Variants in MMP24 observed in about 807,000 individuals in gnomAD.
MMP24 encodes the protein matrix metallopeptidase 24.
In MMP24, 25 loss-of-function variants were observed where a neutral mutation model predicts 62.8. The observed-to-expected ratio is 0.40, with a 90% CI of 0.29 to 0.56. The LOEUF is 0.56. Among genes scored for constraint, MMP24 ranks in the 20% least tolerant of loss-of-function variants. MMP24 has a pLI of 0.50. For synonymous variants in MMP24, 319 were observed against 350.5 expected (o/e 0.91, Z 1.00); for missense variants, 634 against 853.6 (o/e 0.74, Z 3.21).
At chr20:35,227,056 G>A (rs1428863779) in intron 1 of MMP24, 72 bp downstream of exon 1, 2 of 968,858 alleles carry the variant, frequency 2.1e-6, no homozygotes, top group Non-Finnish European at 2.4e-6. Flanking sequence ...CACCGGGGAC[G>A]GGCCTGGGCC....
intron 1 of MMP24, among the ~76,000 whole-genome samples, chr20:35,241,412 T>C (rs2060487848): frequency 6.6e-6 from 1 of 152,154 alleles, no homozygotes; most frequent in African/African-American, 2.4e-5. Flanking sequence ...TTTGCCCTTC[T>C]AGGAGTGTGC....
intron 4 of MMP24, among the ~76,000 whole-genome samples, chr20:35,255,150 G>A (rs970912341): frequency 6.6e-6 from 1 of 152,152 alleles, no homozygotes; most frequent in Admixed American, 6.5e-5. Flanking sequence ...GGCCAACATG[G>A]TGAAACCCTG....
chr20:35,271,441 G>C lies in MMP24; in HGVS notation c.1334-128G>C, dbSNP rs6058219. Reference sequence around the variant, plus strand: ...GGATCTGTGACTGGCCTCAGGCTTCGTGCCCTTCCCAACTCTAACTGGGCC... The same window carrying C: ...GGATCTGTGACTGGCCTCAGGCTTCCTGCCCTTCCCAACTCTAACTGGGCC... On this transcript the variant is annotated intron_variant, in intron 7 of 8. Coordinates refer to ENST00000246186, the MANE Select transcript of MMP24 (RefSeq NM_006690.4). The surrounding 1 kb of genome is among the most constrained non-coding windows in gnomAD (Gnocchi z 4.0). 0.14 allele frequency: 173,628 copies of C among 1,227,396 alleles called. 13,428 individuals are homozygous for C. Among genetic ancestry groups the C allele is most frequent in the African/African-American group, 0.28 (18,207 of 65,378 alleles). The allele number at this position is 1,227,396 out of a possible 1,614,324, so 76.0% of individuals were successfully genotyped here. A position where few individuals can be genotyped will look rare whatever the true frequency, so the allele number is the denominator to read the frequency against.
Position 35,271,890 on chromosome 20 carries a change from A to C in MMP24, c.1600+55A>C. 1.9e-6 allele frequency: 3 copies of C among 1,542,218 alleles called. No individual in the cohort carries two copies. Among genetic ancestry groups the C allele is most frequent in the Non-Finnish European group, 2.6e-6 (3 of 1,147,882 alleles). ...GGGGAGCCGGTTTTATGTGGTCCTCACCAGTGCCCACGGGCATACTCAGTG... is the reference window on the plus strand; with the variant it reads ...GGGGAGCCGGTTTTATGTGGTCCTCCCCAGTGCCCACGGGCATACTCAGTG... On this transcript the variant is annotated intron_variant, in intron 8 of 8. Transcript: ENST00000246186. This position sits in a 1 kb window ranked among gnomAD's most constrained non-coding sequence, Gnocchi z 4.0.
chr20:35,238,511 G>C (rs1367653359), intron 1 of MMP24, among the ~76,000 whole-genome samples: 1 of 152,130 alleles, frequency 6.6e-6, no homozygotes. Context: ...TACGTGTAAG[G>C]GCCTGGGAGA....
intron 1 of MMP24, among the ~76,000 whole-genome samples, chr20:35,235,514 G>A (rs1036656153): frequency 6.6e-6 from 1 of 152,058 alleles, no homozygotes; most frequent in African/African-American, 2.4e-5. Context: ...TGGCCAATAG[G>A]GTGAAACCCT....
At position 35,230,568 on chromosome 20, in the gene MMP24, T is replaced by C. The variant is rs113254367; in HGVS notation, c.246+3584T>C. On this transcript the variant is annotated intron_variant, in intron 1 of 8. Transcript: ENST00000246186. ...TGGGACTCATTGCCAACTTGTACTT[T>C]CTTCGGTAGAAATCAAGCCTATTCC... is the stretch of plus-strand genomic sequence containing the variant. Among the ~76,000 whole-genome samples the C allele has an allele frequency of 5.3e-3, 810 of 152,330 alleles. 6 individuals are homozygous for C. The highest frequency in any genetic ancestry group is 0.017 in the African/African-American group (720 of 41,574).
chr20:35,254,787 G>T, intron 4 of MMP24, 33 bp downstream of exon 4: 1 of 1,567,568 alleles, frequency 6.4e-7, no homozygotes, highest in Non-Finnish European at 8.6e-7. Flanking sequence ...GTCAGTCTTG[G>T]GCTGCTCAGT....
At position 35,274,559 on chromosome 20, in the gene MMP24, G is replaced by A; in HGVS notation, c.1888G>A (p.Gly630Ser). 6.2e-7 allele frequency: 1 copy of A among 1,614,018 alleles called. No homozygotes were observed. The highest frequency in any genetic ancestry group is 8.5e-7 in the Non-Finnish European group (1 of 1,179,888). ...CATCTTCCAGTTCAAGAACAAGACA[G>A]GCCCTCAGCCTGTCACCTACTATAA... ...YTIFQFKNKTGPQPVTYYKRP... is the reference protein window; with the variant it reads ...YTIFQFKNKTSPQPVTYYKRP... Residue 630 changes from glycine to serine, a missense_variant, in exon 9 of 9, where the codon GGC (glycine) becomes AGC (serine). Around this residue, in one of 3 missense-constraint regions of MMP24, gnomAD observed 399 missense variants for 530.8 expected, o/e 0.75. Transcript: ENST00000246186. The surrounding 1 kb of genome is among the most constrained non-coding windows in gnomAD (Gnocchi z 5.1).
At chr20:35,266,334 G>A (rs544811745) in intron 5 of MMP24, among the ~76,000 whole-genome samples, 19 of 144,456 alleles carry the variant, frequency 1.3e-4, no homozygotes, top group East Asian at 1.2e-3. Context: ...CATGGGGGAC[G>A]GAGCGAGACT....
At chr20:35,227,127 G>C (rs1220271625) in intron 1 of MMP24, 143 bp downstream of exon 1, 3 of 680,332 alleles carry the variant, frequency 4.4e-6, no homozygotes, top group East Asian at 1.4e-4. Flanking sequence ...CCTTGGGTCC[G>C]GGCTGGCGCG....
intron 6 of MMP24, chr20:35,267,984 G>A (rs1201907944): frequency 6.5e-6 from 1 of 153,794 alleles, no homozygotes; most frequent in Non-Finnish European, 1.4e-5. Flanking sequence ...ACTCTGAGGT[G>A]GGGTCTGGAA....
intron 2 of MMP24, among the ~76,000 whole-genome samples, chr20:35,248,155 T>TG (rs1003722721): frequency 2.6e-5 from 4 of 151,894 alleles, no homozygotes; most frequent in African/African-American, 7.3e-5. Flanking sequence ...AGGGAGTTGG[T>TG]GGGGGGAGGA....
intron 1 of MMP24, among the ~76,000 whole-genome samples, chr20:35,241,468 G>A (rs2060488060): frequency 6.6e-6 from 1 of 152,096 alleles, no homozygotes; most frequent in Non-Finnish European, 1.5e-5. Context: ...GAGAGAAACA[G>A]AGCCTAGAGA....
intron 1 of MMP24, among the ~76,000 whole-genome samples, chr20:35,230,406 C>T (rs2060432574): frequency 6.6e-6 from 1 of 152,214 alleles, no homozygotes; most frequent in Non-Finnish European, 1.5e-5. Context: ...CCCTGATTCT[C>T]AATGCTCATC....
At chr20:35,268,872 A>G (rs570591360) in intron 6 of MMP24, among the ~76,000 whole-genome samples, 1 of 152,092 alleles carries the variant, frequency 6.6e-6, no homozygotes, top group African/African-American at 2.4e-5. Context: ...CTAAAAATAT[A>G]AAAAATTAGC....
At chr20:35,247,218 C>A (rs190930618) in intron 2 of MMP24, among the ~76,000 whole-genome samples, 2 of 152,268 alleles carry the variant, frequency 1.3e-5, no homozygotes, top group Admixed American at 1.3e-4. Context: ...CTTAACCCTT[C>A]TGGACCTCAG....
In MMP24 at chr20:35,269,836, G is replaced by A; in HGVS notation, c.1271G>A (p.Gly424Asp). 1 of 1,558,530 alleles carries A rather than the reference G, an allele frequency of 6.4e-7. No homozygotes were observed. Among genetic ancestry groups the A allele is most frequent in the Non-Finnish European group, 8.7e-7 (1 of 1,151,258 alleles). The change falls in exon 7 of 9, where the codon GGC becomes GAC. Residue 424 changes from glycine to aspartate, a missense_variant. Physicochemically the swap from Gly to Asp is moderately conservative, Grantham distance 94 (BLOSUM62 -1). Around this residue, in one of 3 missense-constraint regions of MMP24, gnomAD observed 399 missense variants for 530.8 expected, o/e 0.75. Coordinates refer to ENST00000246186, the MANE Select transcript of MMP24 (RefSeq NM_006690.4). This position sits in a 1 kb window ranked among gnomAD's most constrained non-coding sequence, Gnocchi z 4.6. ...ATGCAGATCGAGCAGTTCTGGAAGGGCCTGCCTGCCCGCATCGACGCAGCC... is the reference window on the plus strand; with the variant it reads ...ATGCAGATCGAGCAGTTCTGGAAGGACCTGCCTGCCCGCATCGACGCAGCC... ...YPMQIEQFWK[G>D]LPARIDAAYE...
intron 5 of MMP24, among the ~76,000 whole-genome samples, chr20:35,265,687 T>C (rs987459904): frequency 1.3e-5 from 2 of 151,996 alleles, no homozygotes; most frequent in African/African-American, 2.4e-5. Flanking sequence ...AAGACCAGCC[T>C]GGGCAACAAA....
Sources: gnomAD v4.1 joint callset for allele counts (sites outside exome capture counted in the v4.1 genomes callset) on GRCh38, gnomAD v4.1.1 for gene constraint, gnomAD v4.1.1 regional missense constraint, Gnocchi (gnomAD v3.1) non-coding constraint, MANE v1.5 for transcripts, NCBI Gene and HGNC (gene_info 2026-07-23, HGNC 2026-07-21) for gene names.